The following CDH19 variants were observed in gnomAD, a reference collection of about 807,000 sequenced individuals.
CDH19 encodes the protein cadherin 19, also known as cadherin-19.
In CDH19, 67 loss-of-function variants were observed where a neutral mutation model predicts 64.2. That is an observed-to-expected ratio of 1.04 (90% CI 0.86 to 1.28). CDH19 has a LOEUF of 1.28. CDH19 is among the 50% of genes most tolerant of loss of function. The pLI is 0.00. For synonymous variants in CDH19, 346 were observed against 319.3 expected (o/e 1.08, Z -0.89); for missense variants, 1,030 against 929.0 (o/e 1.11, Z -1.41).
chr18:66,512,734 G>T (rs1298409955), intron 9 of CDH19, among the ~76,000 whole-genome samples: 1 of 151,318 alleles, frequency 6.6e-6, no homozygotes, highest in Admixed American at 6.6e-5. Context: ...TATACATGTG[G>T]ATATTGATTT....
chr18:66,547,749 G>C (rs926637740), intron 5 of CDH19, among the ~76,000 whole-genome samples: 3 of 125,302 alleles, frequency 2.4e-5, no homozygotes, highest in South Asian at 2.7e-4. Flanking sequence ...CTCACTGCAA[G>C]CTCCGCCTCC....
chr18:66,554,382 T>C, intron 4 of CDH19, 23 bp downstream of exon 4: 1 of 1,609,180 alleles, frequency 6.2e-7, no homozygotes, highest in South Asian at 1.1e-5. Context: ...ATGTTAAACT[T>C]TGCTTGTTTC....
Position 66,597,081 on chromosome 18 carries a change from C to T in CDH19, c.-113+6873G>A, listed in dbSNP as rs1315516177. 1.5e-4 allele frequency among the ~76,000 whole-genome samples: 4 copies of T among 26,330 alleles called. No individual in the cohort carries two copies. In the East Asian group the frequency reaches 3.4e-3, roughly 22 times the overall value. The allele number at this position is 26,330 out of a possible 152,430, so 17.3% of individuals were successfully genotyped here. ...TGGGCGACAGAGCGAGACTCCATCTCAAAAAAAAAAAAAAAAAAAAATCAT... is the reference window on the plus strand; with the variant it reads ...TGGGCGACAGAGCGAGACTCCATCTTAAAAAAAAAAAAAAAAAAAAATCAT... On this transcript the variant is annotated intron_variant, in intron 1 of 11. Transcript: ENST00000262150.
intron 3 of CDH19, among the ~76,000 whole-genome samples, chr18:66,560,731 T>C (rs904005692): frequency 3.9e-5 from 6 of 152,012 alleles, no homozygotes; most frequent in Non-Finnish European, 8.8e-5. Flanking sequence ...TGAAGAAGGG[T>C]AGCATATTTA....
Position 66,585,954 on chromosome 18 carries a change from C to T in CDH19, c.-112-13638G>A, listed in dbSNP as rs17076457. On this transcript the variant is annotated intron_variant, in intron 1 of 11. Coordinates refer to ENST00000262150, the MANE Select transcript of CDH19 (RefSeq NM_021153.4). ...TTATATTTTCAAAGAAGACTAATTA[C>T]GACTTAAGGGATGAAAAATATTATA... 5.3e-3 allele frequency among the ~76,000 whole-genome samples: 811 copies of T among 152,036 alleles called. 9 individuals are homozygous for T. The highest frequency in any genetic ancestry group is 0.019 in the African/African-American group (779 of 41,500).
intron 1 of CDH19, among the ~76,000 whole-genome samples, chr18:66,579,417 A>G (rs1171873207): frequency 1.3e-5 from 2 of 152,050 alleles, no homozygotes; most frequent in Non-Finnish European, 2.9e-5. Flanking sequence ...GTGTCTTTCT[A>G]CAGATTTGCT....
intron 1 of CDH19, among the ~76,000 whole-genome samples, chr18:66,589,595 T>C (rs1299017681): frequency 6.6e-6 from 1 of 151,356 alleles, no homozygotes; most frequent in African/African-American, 2.4e-5. Flanking sequence ...AACTGTAATA[T>C]CTATAAATTT....
chr18:66,522,247 G>A (rs900331382), intron 9 of CDH19, among the ~76,000 whole-genome samples: 4 of 149,188 alleles, frequency 2.7e-5, no homozygotes, highest in Non-Finnish European at 4.5e-5. Context: ...CCAGCCCGGC[G>A]TAGTTTTGTT....
In CDH19 at chr18:66,544,020, C is replaced by T. The variant is rs746129602; in HGVS notation, c.1165G>A (p.Val389Ile). The T allele has an allele frequency of 1.8e-5, 29 of 1,613,610 alleles. No individual in the cohort carries two copies. The highest frequency in any genetic ancestry group is 2.5e-5 in the Non-Finnish European group (29 of 1,179,670). The change falls in exon 7 of 12, where the codon GTA becomes ATA. Residue 389 changes from valine (V) to isoleucine (I), a missense_variant. By Grantham distance (29) the Val-to-Ile change is conservative. Transcript: ENST00000262150. ...GGGTCTGTGGCAGACACCACGCCTA[C>T]AAATGATCCCTGTGGGGTTTCTTCA... ...VFEETPQGSF[V>I]GVVSATDPDN...
At position 66,505,119 on chromosome 18, in the gene CDH19, C is replaced by T. The variant is rs545498190; in HGVS notation, c.2012G>A (p.Arg671Gln). ...SSTIMRERKT[R>Q]KTTSAEIRSL... ...CCTGATCTCAGCGCTTGTGGTTTTC[C>T]GAGTCTTGCGTTCCCGCATTATGGT... The change falls in exon 12 of 12, where the codon CGG (arginine) becomes CAG (glutamine). Residue 671 changes from arginine (R) to glutamine (Q), a missense_variant. Arg to Gln is a conservative substitution (Grantham distance 43). Transcript: ENST00000262150. 8.1e-6 allele frequency: 13 copies of T among 1,613,462 alleles called. No homozygotes were observed. In the Admixed American group the frequency reaches 1.0e-4, roughly 12 times the overall value.
At chr18:66,574,135 G>A (rs1300408464) in intron 1 of CDH19, among the ~76,000 whole-genome samples, 6 of 151,368 alleles carry the variant, frequency 4.0e-5, no homozygotes, top group Non-Finnish European at 7.4e-5. Flanking sequence ...TTTTCTTTCC[G>A]TTTATATGCT....
chr18:66,590,213 G>C (rs568938212), intron 1 of CDH19, among the ~76,000 whole-genome samples: 1 of 151,444 alleles, frequency 6.6e-6, no homozygotes, highest in Non-Finnish European at 1.5e-5. Flanking sequence ...ATGACTTTAC[G>C]GTAAATATTT....
At chr18:66,602,781 T>C (rs1989069471) in intron 1 of CDH19, among the ~76,000 whole-genome samples, 1 of 151,870 alleles carries the variant, frequency 6.6e-6, no homozygotes, top group African/African-American at 2.4e-5. Context: ...TTTTGAATAA[T>C]TGCAGACAAT....
At chr18:66,593,228 C>T (rs977992503) in intron 1 of CDH19, among the ~76,000 whole-genome samples, 7 of 151,736 alleles carry the variant, frequency 4.6e-5, no homozygotes, top group Admixed American at 2.0e-4. Context: ...ATAATAACAG[C>T]AAAATAAATA....
intron 9 of CDH19, among the ~76,000 whole-genome samples, chr18:66,527,752 C>CTA (rs112808631): frequency 0.34 from 50,897 of 149,450 alleles, 9,289 homozygotes; most frequent in South Asian, 0.48. Context: ...AAAGCTCCAT[C>CTA]TATATATATA....
At chr18:66,567,367 G>A (rs1419477106) in intron 3 of CDH19, among the ~76,000 whole-genome samples, 1 of 151,512 alleles carries the variant, frequency 6.6e-6, no homozygotes, top group Non-Finnish European at 1.5e-5. Flanking sequence ...AGAAGGGGGA[G>A]GAGGAGAGGG....
At position 66,554,532 on chromosome 18, in the gene CDH19, G is replaced by A. The variant is rs756929539; in HGVS notation, c.491-8C>T. 6.2e-7 allele frequency: 1 copy of A among 1,607,430 alleles called. No individual in the cohort carries two copies. On this transcript the variant is annotated splice_polypyrimidine_tract_variant and splice_region_variant and intron_variant, in intron 3 of 11. Coordinates refer to ENST00000262150, the MANE Select transcript of CDH19 (RefSeq NM_021153.4). ...CCTGGATAACTAATGTTCCTAAAGA[G>A]AACATAATACAGGAAATTAAGATTG...
intron 5 of CDH19, among the ~76,000 whole-genome samples, chr18:66,547,860 G>A (rs1987185656): frequency 1.4e-5 from 2 of 145,626 alleles, no homozygotes; most frequent in Admixed American, 6.8e-5. Flanking sequence ...GTAGAGACGG[G>A]GTTTCACCGT....
intron 9 of CDH19, 75 bp from the exon 10 acceptor site, chr18:66,511,760 C>T (rs1985502232): frequency 5.4e-6 from 4 of 735,890 alleles, no homozygotes; most frequent in Admixed American, 4.6e-5. Flanking sequence ...TTATTATTAG[C>T]TTTTATTCAC....
Sources: gnomAD v4.1 joint callset for allele counts (sites outside exome capture counted in the v4.1 genomes callset) on GRCh38, gnomAD v4.1.1 for gene constraint, MANE v1.5 for transcripts, NCBI Gene and HGNC (gene_info 2026-07-23, HGNC 2026-07-21) for gene names.